RBFOX1: variants seen among roughly 807,000 people sequenced by gnomAD.
The protein encoded by RBFOX1 is RNA binding fox-1 homolog 1.
RBFOX1 carries 8 observed loss-of-function variants against 57.7 expected under a neutral mutation model. The observed-to-expected ratio is 0.14, with a 90% CI of 0.08 to 0.25. The LOEUF is 0.25. Among genes scored for constraint, RBFOX1 ranks in the 10% least tolerant of loss-of-function variants. RBFOX1 has a pLI of 1.00. For synonymous variants in RBFOX1, 326 were observed against 222.4 expected (o/e 1.47, Z -4.15); for missense variants, 611 against 548.5 (o/e 1.11, Z -1.14).
At chr16:7,530,707 A>T (rs1057037781) in intron 5 of RBFOX1, among the ~76,000 whole-genome samples, 1 of 152,070 alleles carries the variant, frequency 6.6e-6, no homozygotes, top group Non-Finnish European at 1.5e-5. Context: ...CCAAATTGTC[A>T]AATTATAGCA....
intron 3 of RBFOX1, chr16:6,774,119 C>A: frequency 1.7e-6 from 1 of 597,612 alleles, no homozygotes; most frequent in Non-Finnish European, 2.1e-6. Flanking sequence ...TGTAAAATAC[C>A]AAGTTATCGG....
chr16:5,546,624 A>G (rs181679815), intron 2 of RBFOX1, among the ~76,000 whole-genome samples: 1 of 152,242 alleles, frequency 6.6e-6, no homozygotes, highest in African/African-American at 2.4e-5. Context: ...TGCATCATAC[A>G]TTCAGATATA....
intron 3 of RBFOX1, among the ~76,000 whole-genome samples, chr16:5,702,169 G>T (rs1045503033): frequency 6.6e-6 from 1 of 152,172 alleles, no homozygotes; most frequent in Non-Finnish European, 1.5e-5. Context: ...AAGAAAAGAG[G>T]TTTCATTGAC....
intron 1 of RBFOX1, among the ~76,000 whole-genome samples, chr16:5,310,693 G>T (rs967130963): frequency 9.2e-5 from 14 of 152,190 alleles, no homozygotes; most frequent in African/African-American, 3.4e-4. Flanking sequence ...ACTGTAAACA[G>T]TAGGGTCTTG....
chr16:5,714,525 G>C (rs1275520430), intron 3 of RBFOX1, among the ~76,000 whole-genome samples: 1 of 152,326 alleles, frequency 6.6e-6, no homozygotes, highest in South Asian at 2.1e-4. Flanking sequence ...TGGCCAACCT[G>C]GGTGGGACCT....
At chr16:6,418,519 A>ATTTTTT (rs567448072) in intron 2 of RBFOX1, among the ~76,000 whole-genome samples, 10 of 100,952 alleles carry the variant, frequency 9.9e-5, no homozygotes, top group African/African-American at 1.2e-4. Context: ...TGCAAGCCTT[A>ATTTTTT]TTTTTTTTTT....
chr16:6,346,631 G>A (rs868011326), intron 2 of RBFOX1, among the ~76,000 whole-genome samples: 1 of 152,178 alleles, frequency 6.6e-6, no homozygotes, highest in Admixed American at 6.5e-5. Context: ...CCTGATTCTC[G>A]AATTGTTCCT....
chr16:5,558,359 A>G (rs1430021249), intron 2 of RBFOX1, among the ~76,000 whole-genome samples: 1 of 152,140 alleles, frequency 6.6e-6, no homozygotes, highest in Non-Finnish European at 1.5e-5. Context: ...GGCAGAGCCC[A>G]AAAGCGGTCC....
chr16:7,150,603 T>C (rs1567467426), intron 4 of RBFOX1, among the ~76,000 whole-genome samples: 1 of 152,228 alleles, frequency 6.6e-6, no homozygotes, highest in Non-Finnish European at 1.5e-5. Context: ...TTCAGGATAT[T>C]TTCTTCTCTA....
intron 2 of RBFOX1, among the ~76,000 whole-genome samples, chr16:6,613,957 A>G (rs927966230): frequency 1.3e-5 from 2 of 152,204 alleles, no homozygotes; most frequent in African/African-American, 4.8e-5. Context: ...AAAAGAAAAA[A>G]GAAGATAGAT....
At chr16:5,858,981 G>C (rs1435269325) in intron 3 of RBFOX1, among the ~76,000 whole-genome samples, 1 of 152,198 alleles carries the variant, frequency 6.6e-6, no homozygotes, top group African/African-American at 2.4e-5. Flanking sequence ...TTGGGAAGTT[G>C]AGGTGGGCAG....
intron 3 of RBFOX1, among the ~76,000 whole-genome samples, chr16:7,005,125 C>G (rs1396549013): frequency 1.3e-5 from 2 of 151,976 alleles, no homozygotes; most frequent in Non-Finnish European, 2.9e-5. Context: ...GCCTGGGTGA[C>G]AAGAGCGAGA....
In RBFOX1 at chr16:7,372,622, G is replaced by C. The variant is rs949828373; in HGVS notation, c.28-145525G>C. 7.9e-5 allele frequency among the ~76,000 whole-genome samples: 12 copies of C among 152,148 alleles called. No homozygotes were observed. The South Asian group carries it at 1.7e-3, about 21-fold the overall frequency. On this transcript the variant is annotated intron_variant, in intron 4 of 15. Transcript: ENST00000550418. ...AGAATCAATTAGTAATGTCTGCTAA[G>C]TGCACAGAATGGTGGAGGGGCAGCC...
intron 4 of RBFOX1, among the ~76,000 whole-genome samples, chr16:7,154,917 CATA>C (rs1404505541): frequency 2.0e-5 from 3 of 152,076 alleles, no homozygotes; most frequent in Non-Finnish European, 1.5e-5. Flanking sequence ...TATAACTTTG[CATA>C]ATGAGTGAGA....
chr16:6,708,367 T>A (rs2063139234), intron 3 of RBFOX1, among the ~76,000 whole-genome samples: 1 of 152,178 alleles, frequency 6.6e-6, no homozygotes, highest in Non-Finnish European at 1.5e-5. Flanking sequence ...TCTGTTTTCT[T>A]ACTTTCCATC....
intron 14 of RBFOX1, among the ~76,000 whole-genome samples, chr16:7,702,764 C>G: frequency 6.6e-6 from 1 of 152,170 alleles, no homozygotes; most frequent in Non-Finnish European, 1.5e-5. Context: ...GATGCAGTTC[C>G]TCCGGATGGG....
At position 6,586,696 on chromosome 16, in the gene RBFOX1, C is replaced by T. The variant is rs538216932; in HGVS notation, c.-63-67907C>T. Reference sequence around the variant, plus strand: ...ATGGCTTCCAGCAGGGATACGCTTACATCATCCCAGCTCAGGAGCCTGACG... The same window carrying T: ...ATGGCTTCCAGCAGGGATACGCTTATATCATCCCAGCTCAGGAGCCTGACG... On this transcript the variant is annotated intron_variant, in intron 2 of 15. Transcript: ENST00000550418. Among the ~76,000 whole-genome samples, 19 of 152,286 alleles carry T rather than the reference C, an allele frequency of 1.2e-4. No homozygotes were observed. In the South Asian group the frequency reaches 3.7e-3, roughly 30 times the overall value.
At chr16:6,734,980 T>G (rs72764971) in intron 3 of RBFOX1, among the ~76,000 whole-genome samples, 1 of 151,640 alleles carries the variant, frequency 6.6e-6, no homozygotes, top group East Asian at 1.9e-4. Context: ...TTTCTATAAT[T>G]TTTTTTTAAA....
chr16:5,816,479 C>G (rs916283856), intron 3 of RBFOX1, among the ~76,000 whole-genome samples: 20 of 152,128 alleles, frequency 1.3e-4, no homozygotes, highest in Non-Finnish European at 2.4e-4. Flanking sequence ...TGAAACTAGA[C>G]CTTGCATCTC....
Sources: gnomAD v4.1 joint callset for allele counts (sites outside exome capture counted in the v4.1 genomes callset) on GRCh38, gnomAD v4.1.1 for gene constraint, MANE v1.5 for transcripts, NCBI Gene and HGNC (gene_info 2026-07-23, HGNC 2026-07-21) for gene names.